KHDRBS2: variants seen among roughly 807,000 people sequenced by gnomAD.
KHDRBS2 encodes the protein KH RNA binding domain containing, signal transduction associated 2.
In KHDRBS2, 26 loss-of-function variants were observed where a neutral mutation model predicts 44.3. That is an observed-to-expected ratio of 0.59 (90% CI 0.43 to 0.81). The LOEUF (loss-of-function observed/expected upper bound fraction) is 0.81. KHDRBS2 is among the 40% of genes least tolerant of loss of function. The pLI is 0.00. For synonymous variants in KHDRBS2, 194 were observed against 151.1 expected (o/e 1.28, Z -2.08); for missense variants, 476 against 433.1 (o/e 1.10, Z -0.88).
At chr6:61,727,357 G>A (rs890998268) in intron 7 of KHDRBS2, among the ~76,000 whole-genome samples, 8 of 152,116 alleles carry the variant, frequency 5.3e-5, no homozygotes, top group Non-Finnish European at 1.0e-4. Context: ...TACTATTCAG[G>A]ACATAGACAC....
At chr6:62,169,211 G>A (rs11755550) in intron 2 of KHDRBS2, among the ~76,000 whole-genome samples, 1 of 143,016 alleles carries the variant, frequency 7.0e-6, no homozygotes, top group African/African-American at 2.6e-5. Context: ...GTATATATAT[G>A]TATATATACA....
At chr6:61,731,065 G>A (rs945377550) in intron 7 of KHDRBS2, among the ~76,000 whole-genome samples, 13 of 152,052 alleles carry the variant, frequency 8.5e-5, no homozygotes, top group Admixed American at 2.6e-4. Flanking sequence ...TGTGTTTGTC[G>A]AGTGTAGTAA....
At chr6:62,235,010 A>G (rs1480548666) in intron 1 of KHDRBS2, among the ~76,000 whole-genome samples, 1 of 151,708 alleles carries the variant, frequency 6.6e-6, no homozygotes, top group Non-Finnish European at 1.5e-5. Context: ...AAATTCCCAA[A>G]ACTTATTCTA....
intron 3 of KHDRBS2, among the ~76,000 whole-genome samples, chr6:62,021,345 A>G (rs534913022): frequency 6.6e-6 from 1 of 152,032 alleles, no homozygotes; most frequent in Non-Finnish European, 1.5e-5. Flanking sequence ...CAATATGTAC[A>G]ACAAATTCCC....
At chr6:62,060,470 A>G (rs1438094616) in intron 2 of KHDRBS2, among the ~76,000 whole-genome samples, 1 of 151,856 alleles carries the variant, frequency 6.6e-6, no homozygotes, top group African/African-American at 2.4e-5. Flanking sequence ...AGTTTGAGAA[A>G]AAGTGAAATA....
intron 1 of KHDRBS2, among the ~76,000 whole-genome samples, chr6:62,237,278 A>G (rs1182471355): frequency 6.6e-6 from 1 of 152,242 alleles, no homozygotes; most frequent in Admixed American, 6.5e-5. Context: ...TGGACTTACT[A>G]CATAACAATT....
At chr6:61,887,265 GTTAGTT>G (rs766483780) in intron 6 of KHDRBS2, among the ~76,000 whole-genome samples, 2 of 152,160 alleles carry the variant, frequency 1.3e-5, no homozygotes, top group African/African-American at 2.4e-5. Flanking sequence ...ATTCAAAAGT[GTTAGTT>G]TTAATTTATT....
the KHDRBS2 span, among the ~76,000 whole-genome samples, chr6:61,644,406 C>A: frequency 2.6e-5 from 4 of 152,068 alleles, no homozygotes; most frequent in Non-Finnish European, 5.9e-5. Flanking sequence ...GCAAACATTT[C>A]ATGAAAAAGA....
At chr6:61,566,721 C>CT in the KHDRBS2 span, among the ~76,000 whole-genome samples, 4 of 151,806 alleles carry the variant, frequency 2.6e-5, no homozygotes, top group Admixed American at 6.6e-5. Flanking sequence ...AACGTTCGCT[C>CT]TTTTTTTGAG....
intron 4 of KHDRBS2, among the ~76,000 whole-genome samples, chr6:61,928,108 A>G (rs1465002261): frequency 2.6e-5 from 4 of 152,098 alleles, no homozygotes; most frequent in Non-Finnish European, 4.4e-5. Flanking sequence ...TCTTGTGTTT[A>G]CCTTATTATA....
At chr6:62,077,799 C>A (rs1294253576) in intron 2 of KHDRBS2, among the ~76,000 whole-genome samples, 1 of 151,970 alleles carries the variant, frequency 6.6e-6, no homozygotes, top group Non-Finnish European at 1.5e-5. Context: ...GTTAATTAAA[C>A]TGAAGGAAAG....
intron 3 of KHDRBS2, among the ~76,000 whole-genome samples, chr6:62,017,859 A>G (rs1233420872): frequency 6.6e-6 from 1 of 152,136 alleles, no homozygotes; most frequent in East Asian, 1.9e-4. Flanking sequence ...GATTTGAATT[A>G]CATAATTGTG....
chr6:61,893,404 T>C (rs1802349286), intron 6 of KHDRBS2, among the ~76,000 whole-genome samples: 1 of 152,186 alleles, frequency 6.6e-6, no homozygotes, highest in Non-Finnish European at 1.5e-5. Context: ...ACTGGGTATA[T>C]ACCCAAAGGG....
intron 2 of KHDRBS2, among the ~76,000 whole-genome samples, chr6:62,137,195 G>T (rs1473436298): frequency 2.6e-5 from 4 of 151,812 alleles, no homozygotes; most frequent in African/African-American, 7.3e-5. Flanking sequence ...TAGAGACGGG[G>T]TTTCACCGTG....
At chr6:61,669,381 T>C in the KHDRBS2 span, among the ~76,000 whole-genome samples, 2 of 150,854 alleles carry the variant, frequency 1.3e-5, no homozygotes, top group Admixed American at 6.6e-5. Flanking sequence ...AGGATTCTTA[T>C]ATATAAACAT....
chr6:62,021,483 A>G (rs1296448673), intron 3 of KHDRBS2, among the ~76,000 whole-genome samples: 2 of 151,856 alleles, frequency 1.3e-5, no homozygotes, highest in Non-Finnish European at 2.9e-5. Flanking sequence ...GTTTTTATCC[A>G]TTCTGACAGT....
the KHDRBS2 span, among the ~76,000 whole-genome samples, chr6:61,614,220 T>C: frequency 6.6e-6 from 1 of 152,114 alleles, no homozygotes; most frequent in Non-Finnish European, 1.5e-5. Flanking sequence ...GTTGTGGTCT[T>C]ACTCTCCTTC....
At chr6:62,044,099 C>A (rs548702586) in intron 3 of KHDRBS2, among the ~76,000 whole-genome samples, 4 of 151,960 alleles carry the variant, frequency 2.6e-5, no homozygotes, top group Admixed American at 1.3e-4. Flanking sequence ...CTTACACAAC[C>A]AAATATCTTC....
intron 4 of KHDRBS2, among the ~76,000 whole-genome samples, chr6:61,953,972 A>T (rs1765334825): frequency 6.6e-6 from 1 of 152,220 alleles, no homozygotes; most frequent in Admixed American, 6.5e-5. Flanking sequence ...AAAAGAGACC[A>T]GAAAAGGAAA....
Sources: gnomAD v4.1 joint callset for allele counts (sites outside exome capture counted in the v4.1 genomes callset) on GRCh38, gnomAD v4.1.1 for gene constraint, MANE v1.5 for transcripts, NCBI Gene and HGNC (gene_info 2026-07-23, HGNC 2026-07-21) for gene names.